Variants in PARD3B observed in about 807,000 individuals in gnomAD.
PARD3B encodes par-3 family cell polarity regulator beta, also known as partitioning defective 3 homolog B.
In PARD3B, 103 loss-of-function variants were observed where a neutral mutation model predicts 130.2. That is an observed-to-expected ratio of 0.79 (90% CI 0.67 to 0.93). The LOEUF (loss-of-function observed/expected upper bound fraction) is 0.93, where lower values mean the gene tolerates loss of function less well. Among genes scored for constraint, PARD3B ranks in the 40% least tolerant of loss-of-function variants. The pLI, the probability that PARD3B is intolerant of heterozygous loss-of-function variation, is 0.00. For missense variants in PARD3B, 1,609 were observed against 1,499.2 expected (o/e 1.07, Z -1.21); for synonymous variants, 583 against 553.2 (o/e 1.05, Z -0.76).
Position 205,021,357 on chromosome 2 carries a change from A to G in PARD3B, c.395-26224A>G, listed in dbSNP as rs1229322780. Among the ~76,000 whole-genome samples the G allele has an allele frequency of 6.6e-6, 1 of 152,180 alleles. No homozygotes were observed. The highest frequency in any genetic ancestry group is 1.5e-5 in the Non-Finnish European group (1 of 68,036). ...GTTTTGGAATGATAAAGTTTATTGT[A>G]CATGGTAAGGAAATTATGTATTGTA... is the stretch of plus-strand genomic sequence containing the variant. On this transcript the variant is annotated intron_variant, in intron 3 of 22. Coordinates refer to ENST00000406610, the MANE Select transcript of PARD3B (RefSeq NM_001302769.2). This position sits in a 1 kb window ranked among gnomAD's most constrained non-coding sequence, Gnocchi z 4.5.
chr2:205,005,733 A>T (rs919675149), intron 3 of PARD3B, among the ~76,000 whole-genome samples: 2 of 152,176 alleles, frequency 1.3e-5, no homozygotes, highest in African/African-American at 4.8e-5. Flanking sequence ...AAAATTAATA[A>T]CCCCCACCAA....
At chr2:205,140,486 CTTT>C (rs35408494) in intron 10 of PARD3B, among the ~76,000 whole-genome samples, 6 of 117,476 alleles carry the variant, frequency 5.1e-5, no homozygotes, top group African/African-American at 9.5e-5. Flanking sequence ...AAGACCGTTC[CTTT>C]TTTTTTTTTT....
At chr2:205,067,587 C>T (rs998636508) in intron 4 of PARD3B, among the ~76,000 whole-genome samples, 5 of 152,050 alleles carry the variant, frequency 3.3e-5, no homozygotes, top group African/African-American at 1.2e-4. Context: ...AAATGAATTA[C>T]AATATTTTCC....
chr2:205,002,074 T>C (rs1416530674), intron 3 of PARD3B, among the ~76,000 whole-genome samples: 2 of 152,358 alleles, frequency 1.3e-5, no homozygotes, highest in Middle Eastern at 3.4e-3. Context: ...AACATTCATA[T>C]GACACATGTG....
intron 19 of PARD3B, among the ~76,000 whole-genome samples, chr2:205,437,111 A>G (rs2106148873): frequency 6.6e-6 from 1 of 152,206 alleles, no homozygotes; most frequent in Non-Finnish European, 1.5e-5. Context: ...ACATGGCTGG[A>G]GATGCAGCCA....
In PARD3B at chr2:205,173,914, C is replaced by T. The variant is rs573100228; in HGVS notation, c.1791+1533C>T. On this transcript the variant is annotated intron_variant, in intron 12 of 22. Coordinates refer to ENST00000406610, the MANE Select transcript of PARD3B (RefSeq NM_001302769.2). ...GAGAGTTGAAAGGATGGACTGCGAA[C>T]GCCTGAGTCATCCCTTCTGTGCATC... Among the ~76,000 whole-genome samples the T allele has an allele frequency of 1.8e-4, 27 of 152,274 alleles. No individual in the cohort carries two copies. In the South Asian group the frequency reaches 2.7e-3, roughly 15 times the overall value.
chr2:204,615,013 T>C (rs964594543), intron 1 of PARD3B, among the ~76,000 whole-genome samples: 1 of 152,186 alleles, frequency 6.6e-6, no homozygotes, highest in Non-Finnish European at 1.5e-5. Context: ...CAAGACAGAA[T>C]TTATTAAGAG....
At chr2:205,472,083 G>C (rs2048855180) in intron 20 of PARD3B, among the ~76,000 whole-genome samples, 1 of 152,226 alleles carries the variant, frequency 6.6e-6, no homozygotes, top group East Asian at 1.9e-4. Flanking sequence ...TTACAGTCTT[G>C]GAATTGGATT....
chr2:205,385,107 A>T (rs1290439988), intron 18 of PARD3B, among the ~76,000 whole-genome samples: 1 of 152,154 alleles, frequency 6.6e-6, no homozygotes, highest in Non-Finnish European at 1.5e-5. Flanking sequence ...AAGAAATCTG[A>T]TTAGCTTATG....
Position 205,021,274 on chromosome 2 carries a change from A to G in PARD3B, c.395-26307A>G, listed in dbSNP as rs1448836726. The stretch of plus-strand genomic sequence containing the variant: ...GAGTCTCAATTTTAAAACTCCCTTG[A>G]GGATTAGGAAACAGATTATAAGTAG... On this transcript the variant is annotated intron_variant, in intron 3 of 22. Transcript: ENST00000406610. This position sits in a 1 kb window ranked among gnomAD's most constrained non-coding sequence, Gnocchi z 4.5. Among the ~76,000 whole-genome samples, 1 of 152,196 alleles carries G rather than the reference A, an allele frequency of 6.6e-6. No individual in the cohort carries two copies. The highest frequency in any genetic ancestry group is 2.4e-5 in the African/African-American group (1 of 41,456).
chr2:205,093,017 G>T (rs1290497216), intron 4 of PARD3B, among the ~76,000 whole-genome samples: 1 of 152,070 alleles, frequency 6.6e-6, no homozygotes, highest in Admixed American at 6.6e-5. Context: ...CATAAATAAA[G>T]ATTAGCTTTC....
At chr2:204,635,144 G>A (rs1047556466) in intron 1 of PARD3B, among the ~76,000 whole-genome samples, 2 of 152,160 alleles carry the variant, frequency 1.3e-5, no homozygotes, top group African/African-American at 2.4e-5. Context: ...GCCAGTGGAA[G>A]CCTCTTCAAG....
intron 2 of PARD3B, among the ~76,000 whole-genome samples, chr2:204,838,351 GTGTGT>G (rs1559186696): frequency 1.0e-5 from 1 of 96,050 alleles, no homozygotes; most frequent in African/African-American, 7.9e-5. Context: ...CCTGGCTAAT[GTGTGT>G]GTGTGTGTGT....
rs2033734557 is a variant in PARD3B, at chr2:204,606,633, C to T, written c.120+60514C>T. Among the ~76,000 whole-genome samples, 1 of 152,086 alleles carries T rather than the reference C, an allele frequency of 6.6e-6. No homozygotes were observed. The highest frequency in any genetic ancestry group is 1.5e-5 in the Non-Finnish European group (1 of 68,014). On this transcript the variant is annotated intron_variant, in intron 1 of 22. Coordinates refer to ENST00000406610, the MANE Select transcript of PARD3B (RefSeq NM_001302769.2). The surrounding 1 kb of genome is among the most constrained non-coding windows in gnomAD (Gnocchi z 4.0). The stretch of plus-strand genomic sequence containing the variant: ...TATGTGCTCAGAATAGGAGAATCAA[C>T]CATTTATGAAGAAGCTCCAGTGGCT...
chr2:204,875,276 A>C (rs1284347539), intron 2 of PARD3B, among the ~76,000 whole-genome samples: 1 of 152,154 alleles, frequency 6.6e-6, no homozygotes, highest in African/African-American at 2.4e-5. Flanking sequence ...TATAATTTTA[A>C]CAGTCTTATA....
At chr2:204,756,983 A>G (rs890510256) in intron 2 of PARD3B, among the ~76,000 whole-genome samples, 21 of 152,012 alleles carry the variant, frequency 1.4e-4, no homozygotes, top group African/African-American at 4.3e-4. Flanking sequence ...TCCAATGTTT[A>G]GCTCCCACTG....
intron 2 of PARD3B, among the ~76,000 whole-genome samples, chr2:204,851,730 G>A (rs1236894920): frequency 2.0e-5 from 3 of 151,870 alleles, no homozygotes; most frequent in African/African-American, 7.2e-5. Context: ...ACACATGGAT[G>A]TAGCATTTGA....
intron 2 of PARD3B, among the ~76,000 whole-genome samples, chr2:204,729,254 C>G (rs936443277): frequency 6.6e-6 from 1 of 152,298 alleles, no homozygotes; most frequent in Non-Finnish European, 1.5e-5. Flanking sequence ...GCACTTGGCT[C>G]CTTTCATTGC....
intron 2 of PARD3B, among the ~76,000 whole-genome samples, chr2:204,800,505 A>C (rs1017697020): frequency 1.3e-5 from 2 of 152,152 alleles, no homozygotes; most frequent in African/African-American, 4.8e-5. Flanking sequence ...AACTAGAAAA[A>C]TATATCAGGG....
Sources: gnomAD v4.1 joint callset for allele counts (sites outside exome capture counted in the v4.1 genomes callset) on GRCh38, gnomAD v4.1.1 for gene constraint, Gnocchi (gnomAD v3.1) non-coding constraint, MANE v1.5 for transcripts, NCBI Gene and HGNC (gene_info 2026-07-23, HGNC 2026-07-21) for gene names.